The following SEMA4A variants were observed in gnomAD, a reference collection of about 807,000 sequenced individuals.
SEMA4A encodes the protein semaphorin-4A.
A neutral mutation model predicts 72.5 loss-of-function variants in SEMA4A; 52 were observed. That is an observed-to-expected ratio of 0.72 (90% CI 0.57 to 0.90). The LOEUF (loss-of-function observed/expected upper bound fraction) is 0.90. Ranked by LOEUF, SEMA4A falls within the 40% of genes least tolerant of loss-of-function variation. The pLI is 0.00. For synonymous variants in SEMA4A, 369 were observed against 393.1 expected, an observed-to-expected ratio of 0.94 and a Z score of 0.73; for missense variants, 926 against 959.7, an observed-to-expected ratio of 0.96 and a Z score of 0.46.
At chr1:156,166,202 C>A (rs773368968) in intron 10 of SEMA4A, among the ~76,000 whole-genome samples, 1 of 151,864 alleles carries the variant, frequency 6.6e-6, no homozygotes, top group African/African-American at 2.4e-5. Context: ...CCACTGTGCT[C>A]GGTCTTTTTT....
chr1:156,162,470 A>G (rs1653756101), intron 9 of SEMA4A, among the ~76,000 whole-genome samples: 1 of 152,192 alleles, frequency 6.6e-6, no homozygotes, highest in South Asian at 2.1e-4. Flanking sequence ...GCTTCAAGAG[A>G]GCAGAGAAAC....
upstream of SEMA4A, among the ~76,000 whole-genome samples, chr1:156,150,596 T>TCTCTCCTGGCTCCAGGAGCTGCTC (rs1268141479): frequency 6.6e-6 from 1 of 151,912 alleles, no homozygotes; most frequent in East Asian, 1.9e-4. Context: ...AGGAGTTGCT[T>TCTCTCCTGGCTCCAGGAGCTGCTC]CTCTCCTGGC....
intron 2 of SEMA4A, chr1:156,155,854 C>T (rs1434352864): frequency 5.2e-6 from 1 of 192,184 alleles, no homozygotes; most frequent in Non-Finnish European, 1.1e-5. Context: ...ACCTGGCTCA[C>T]CATCCCTGCC....
chr1:156,175,327 A>G, intron 13 of SEMA4A, 84 bp downstream of exon 13: 1 of 1,471,072 alleles, frequency 6.8e-7, no homozygotes, highest in Non-Finnish European at 9.4e-7. Flanking sequence ...TCCTCTCTCC[A>G]GGGGCTACTG....
intron 8 of SEMA4A, 71 bp from the exon 9 acceptor site, chr1:156,161,275 G>A (rs2102959449): frequency 4.4e-6 from 4 of 916,128 alleles, no homozygotes; most frequent in Non-Finnish European, 6.1e-6. Flanking sequence ...AGCTGCGGGG[G>A]GCGGGGAGGA....
At position 156,171,777 on chromosome 1, in the gene SEMA4A, TAA is replaced by T. The variant is rs1491294239; in HGVS notation, c.1135-1048_1135-1047del. On this transcript the variant is annotated intron_variant, in intron 10 of 14. Coordinates refer to ENST00000368285, the MANE Select transcript of SEMA4A (RefSeq NM_022367.4). ...TTTTTTAATTAATTAATTAATTAAT[TAA>T]TTAATTTATTTATTTTGTTTTTGAG... 1.7e-3 allele frequency among the ~76,000 whole-genome samples: 251 copies of T among 151,350 alleles called. 2 individuals are homozygous for T. The highest frequency in any genetic ancestry group is 0.014 in the Middle Eastern group (4 of 294).
chr1:156,162,572 G>A (rs1653762259), intron 9 of SEMA4A, among the ~76,000 whole-genome samples: 1 of 152,254 alleles, frequency 6.6e-6, no homozygotes, highest in Non-Finnish European at 1.5e-5. Flanking sequence ...GGATCCAAGA[G>A]ACTCAAAGGA....
chr1:156,168,470 C>T (rs755525053), intron 10 of SEMA4A, among the ~76,000 whole-genome samples: 3 of 152,020 alleles, frequency 2.0e-5, no homozygotes, highest in Non-Finnish European at 4.4e-5. Flanking sequence ...GCAATCTGCC[C>T]GTCTCGGCCT....
In SEMA4A at chr1:156,176,817, C is replaced by T. The variant is rs772147085; in HGVS notation, c.2106C>T (p.Leu702=). ...TGCTTTCAGGAGCCCTCATCATCCT[C>T]GTGGCCTCCCCATTGAGAGCACTCC... is the stretch of plus-strand genomic sequence containing the variant. ...ALVLSGALII[L]VASPLRALRA... The change falls in exon 15 of 15, where the codon CTC becomes CTT. Residue 702 remains leucine (L), a synonymous_variant. Transcript: ENST00000368285. The T allele has an allele frequency of 5.3e-5, 86 of 1,614,068 alleles. 1 individual carries two copies. The highest frequency in any genetic ancestry group is 1.1e-4 in the South Asian group (10 of 91,092).
chr1:156,172,200 C>T (rs1385057222), intron 10 of SEMA4A, among the ~76,000 whole-genome samples: 1 of 152,068 alleles, frequency 6.6e-6, no homozygotes, highest in African/African-American at 2.4e-5. Context: ...TCACTGCAAC[C>T]TCTGCCTTCT....
In SEMA4A at chr1:156,177,018, C is replaced by G. The variant is rs201587870; in HGVS notation, c.*21C>G. 3.8e-6 allele frequency: 6 copies of G among 1,598,834 alleles called. No individual in the cohort carries two copies. The African/African-American group carries it at 5.3e-5, about 14-fold the overall frequency. On this transcript the variant is annotated 3_prime_UTR_variant, in exon 15 of 15. Coordinates refer to ENST00000368285, the MANE Select transcript of SEMA4A (RefSeq NM_022367.4). ...CTTAAACTCTAGGCACAGGCCGGGG[C>G]TGCGGTGCAGGCACCTGGCCATGCT... is the stretch of plus-strand genomic sequence containing the variant.
chr1:156,151,761 G>A (rs111859917), upstream of SEMA4A, among the ~76,000 whole-genome samples: 3 of 150,420 alleles, frequency 2.0e-5, no homozygotes, highest in Non-Finnish European at 3.0e-5. Context: ...GCTTGAACCC[G>A]GGAGGTGGAG....
At chr1:156,148,804 T>TC (rs1448698394), upstream of SEMA4A, among the ~76,000 whole-genome samples, 6 of 147,454 alleles carry the variant, frequency 4.1e-5, no homozygotes, top group African/African-American at 7.5e-5. Flanking sequence ...CTTTTTTCTT[T>TC]TTTTTTTTTT....
At chr1:156,171,685 T>C (rs1373963532) in intron 10 of SEMA4A, among the ~76,000 whole-genome samples, 1 of 152,186 alleles carries the variant, frequency 6.6e-6, no homozygotes, top group Non-Finnish European at 1.5e-5. Flanking sequence ...CAAGTGATTC[T>C]CCTGCCTCAG....
chr1:156,160,883 C>T (rs1391182546), intron 7 of SEMA4A, 22 bp from the exon 8 acceptor site: 6 of 1,613,338 alleles, frequency 3.7e-6, no homozygotes, highest in Non-Finnish European at 5.1e-6. Context: ...AGTCCCTAAG[C>T]CCATCTGCCC....
At chr1:156,148,293 G>A (rs1652254747), upstream of SEMA4A, among the ~76,000 whole-genome samples, 1 of 152,082 alleles carries the variant, frequency 6.6e-6, no homozygotes, top group South Asian at 2.1e-4. Flanking sequence ...CAAATCATGT[G>A]TCCCAGTCCC....
chr1:156,175,353 G>C (rs772108825), intron 13 of SEMA4A, 110 bp downstream of exon 13: 6 of 1,373,306 alleles, frequency 4.4e-6, no homozygotes, highest in Non-Finnish European at 6.1e-6. Flanking sequence ...TTCACTCCAA[G>C]AGTCCTCCCA....
chr1:156,160,041 T>G (rs1291364823), intron 6 of SEMA4A, among the ~76,000 whole-genome samples: 1 of 151,944 alleles, frequency 6.6e-6, no homozygotes, highest in Non-Finnish European at 1.5e-5. Flanking sequence ...CAGCAGGACC[T>G]TGAAAAGATA....
chr1:156,169,434 G>C (rs1194524904), intron 10 of SEMA4A, among the ~76,000 whole-genome samples: 1 of 5,272 alleles, frequency 1.9e-4, no homozygotes, highest in Non-Finnish European at 5.4e-4. Flanking sequence ...TTTTTTTTTT[G>C]AGACGGAGTC....
Sources: allele counts gnomAD v4.1 joint callset (sites outside exome capture counted in the v4.1 genomes callset), GRCh38; gene constraint gnomAD v4.1.1; transcripts MANE v1.5; gene names NCBI Gene and HGNC (gene_info 2026-07-23, HGNC 2026-07-21).